Variants in GALNT18 observed in about 807,000 individuals in gnomAD.
GALNT18 encodes the protein GalNAc-transferase 18.
Under a neutral mutation model 69.5 loss-of-function variants are expected in GALNT18, and 44 were observed. The observed-to-expected ratio is 0.63, with a 90% CI of 0.50 to 0.81. GALNT18 has a LOEUF of 0.81. Ranked by LOEUF, GALNT18 falls within the 40% of genes least tolerant of loss-of-function variation. The probability of loss-of-function intolerance (pLI) is 0.00; values close to 1 mark genes in which losing one functional copy is unlikely to be tolerated. For synonymous variants in GALNT18, 364 were observed against 318.2 expected (o/e 1.14, Z -1.53); for missense variants, 715 against 810.0 (o/e 0.88, Z 1.42).
At chr11:11,547,034 T>C (rs1046913604) in intron 1 of GALNT18, among the ~76,000 whole-genome samples, 32 of 152,142 alleles carry the variant, frequency 2.1e-4, no homozygotes, top group African/African-American at 7.7e-4. Context: ...CTACTACTTT[T>C]AAACTGATTA....
intron 1 of GALNT18, among the ~76,000 whole-genome samples, chr11:11,455,425 G>A (rs554127079): frequency 6.6e-6 from 1 of 152,072 alleles, no homozygotes; most frequent in Non-Finnish European, 1.5e-5. Context: ...GGGAAATGGG[G>A]CAGAGGGAAG....
intron 10 of GALNT18, among the ~76,000 whole-genome samples, chr11:11,291,370 G>T (rs918710997): frequency 6.6e-6 from 1 of 152,222 alleles, no homozygotes; most frequent in Non-Finnish European, 1.5e-5. Context: ...CCTTGGGCAT[G>T]TTCGTTAACT....
chr11:11,491,591 C>A (rs1177817813), intron 1 of GALNT18, among the ~76,000 whole-genome samples: 2 of 152,254 alleles, frequency 1.3e-5, no homozygotes, highest in Non-Finnish European at 2.9e-5. Flanking sequence ...ATTTGGTTTT[C>A]ATATGGCTAT....
chr11:11,569,567 C>T (rs529613970), intron 1 of GALNT18, among the ~76,000 whole-genome samples: 2 of 152,184 alleles, frequency 1.3e-5, no homozygotes, highest in Non-Finnish European at 2.9e-5. Flanking sequence ...CCCAAAGCCT[C>T]GTTTGAGTGG....
chr11:11,362,204 A>C (rs1353598609), intron 6 of GALNT18, among the ~76,000 whole-genome samples: 1 of 152,208 alleles, frequency 6.6e-6, no homozygotes, highest in Non-Finnish European at 1.5e-5. Context: ...CTAAAATGTA[A>C]AAAATATAGT....
Position 11,309,923 on chromosome 11 carries a change from G to A in GALNT18, c.1513-16730C>T, listed in dbSNP as rs115218736. Among the ~76,000 whole-genome samples the A allele has an allele frequency of 3.3e-5, 5 of 151,816 alleles. No homozygotes were observed. The highest frequency in any genetic ancestry group is 5.9e-5 in the Non-Finnish European group (4 of 68,012). ...CCCCAGGGATATTGCTTTGTTAATT[G>A]CCCCCTTAAATAGATCTCTCTACTT... On this transcript the variant is annotated intron_variant, in intron 9 of 10. Coordinates refer to ENST00000227756, the MANE Select transcript of GALNT18 (RefSeq NM_198516.3). This position sits in a 1 kb window ranked among gnomAD's most constrained non-coding sequence, Gnocchi z 4.6.
intron 9 of GALNT18, among the ~76,000 whole-genome samples, chr11:11,308,431 A>G (rs1240332085): frequency 6.6e-6 from 1 of 151,840 alleles, no homozygotes; most frequent in African/African-American, 2.4e-5. Context: ...TCCCCAGTTG[A>G]CCTTCCCTTC....
chr11:11,323,087 C>T (rs1326611546), intron 9 of GALNT18, among the ~76,000 whole-genome samples: 1 of 152,170 alleles, frequency 6.6e-6, no homozygotes, highest in Non-Finnish European at 1.5e-5. Context: ...CAAGGAGGGG[C>T]ACAATGCAGT....
Position 11,383,122 on chromosome 11 carries a change from C to G in GALNT18, c.596-3858G>C, listed in dbSNP as rs972822636. On this transcript the variant is annotated intron_variant, in intron 3 of 10. Coordinates refer to ENST00000227756, the MANE Select transcript of GALNT18 (RefSeq NM_198516.3). The surrounding 1 kb of genome is among the most constrained non-coding windows in gnomAD (Gnocchi z 5.2). ...AGCAGTGATGAAACACCACTCACTC[C>G]TGGGAGGTCACAGGCCACTCTCCAC... Among the ~76,000 whole-genome samples the G allele has an allele frequency of 6.6e-6, 1 of 152,184 alleles. No individual in the cohort carries two copies. The highest frequency in any genetic ancestry group is 1.9e-4 in the East Asian group (1 of 5,172).
chr11:11,599,361 C>T (rs1490918810), intron 1 of GALNT18, among the ~76,000 whole-genome samples: 1 of 151,792 alleles, frequency 6.6e-6, no homozygotes, highest in African/African-American at 2.4e-5. Flanking sequence ...CTCTTTATCT[C>T]TAGTAACTTT....
intron 10 of GALNT18, among the ~76,000 whole-genome samples, chr11:11,287,443 TTGCTTGACAAGTATCCTGCCA>T: frequency 4.6e-5 from 7 of 152,142 alleles, no homozygotes; most frequent in African/African-American, 1.7e-4. Flanking sequence ...GTCCTCTGCT[TTGCTTGACAAGTATCCTGCCA>T]CAAAGTTCTT....
intron 10 of GALNT18, among the ~76,000 whole-genome samples, chr11:11,276,103 A>G (rs139532216): frequency 0.03 from 4,641 of 152,258 alleles, 237 homozygotes; most frequent in African/African-American, 0.11. Context: ...ATAGCACTGA[A>G]TCTACAAATT....
In GALNT18 at chr11:11,383,831, C is replaced by CTT. The variant is rs1360572964; in HGVS notation, c.596-4568_596-4567insAA. Among the ~76,000 whole-genome samples the CTT allele has an allele frequency of 6.6e-6, 1 of 151,608 alleles. No individual in the cohort carries two copies. Among genetic ancestry groups the CTT allele is most frequent in the Non-Finnish European group, 1.5e-5 (1 of 67,870 alleles). ...TGTGGCACTTCCTCTCTCTCTCTCT[C>CTT]TCTCTCTCTGTCTCTCTCTCCCTCT... On this transcript the variant is annotated intron_variant, in intron 3 of 10. Transcript: ENST00000227756. The surrounding 1 kb of genome is among the most constrained non-coding windows in gnomAD (Gnocchi z 5.2).
intron 1 of GALNT18, among the ~76,000 whole-genome samples, chr11:11,588,057 C>T (rs764775941): frequency 1.3e-5 from 2 of 152,066 alleles, no homozygotes; most frequent in Non-Finnish European, 1.5e-5. Context: ...GAAATCTACC[C>T]CATCTTTCAG....
In GALNT18 at chr11:11,435,076, C is replaced by G. The variant is rs191197242; in HGVS notation, c.429-2289G>C. ...TATATAAAGTATAATAGACAGCTCC[C>G]AAGAAGGCCAATGGATTGGCACAAG... is the stretch of plus-strand genomic sequence containing the variant. On this transcript the variant is annotated intron_variant, in intron 2 of 10. Transcript: ENST00000227756. The surrounding 1 kb of genome is among the most constrained non-coding windows in gnomAD (Gnocchi z 4.4). Among the ~76,000 whole-genome samples the G allele has an allele frequency of 3.0e-4, 46 of 152,274 alleles. No homozygotes were observed. The highest frequency in any genetic ancestry group is 9.8e-4 in the Admixed American group (15 of 15,302).
rs538875152 is a variant in GALNT18, at chr11:11,566,090, A to G, written c.235+55269T>C. Among the ~76,000 whole-genome samples the G allele has an allele frequency of 1.4e-4, 22 of 152,358 alleles. No homozygotes were observed. In the South Asian group the frequency reaches 4.6e-3, roughly 32 times the overall value. On this transcript the variant is annotated intron_variant, in intron 1 of 10. Transcript: ENST00000227756. The stretch of plus-strand genomic sequence containing the variant: ...TGTAAAGAATGTTCATAAGTTAGGG[A>G]TCACATATATTTTTTTAAATTAAAA...
At chr11:11,565,278 G>A (rs939224865) in intron 1 of GALNT18, among the ~76,000 whole-genome samples, 24 of 152,154 alleles carry the variant, frequency 1.6e-4, no homozygotes, top group Non-Finnish European at 3.2e-4. Context: ...GCCACATAGG[G>A]GTGGCTGGGA....
intron 1 of GALNT18, among the ~76,000 whole-genome samples, chr11:11,549,267 C>T (rs1212173252): frequency 1.3e-5 from 2 of 152,228 alleles, no homozygotes; most frequent in East Asian, 1.9e-4. Flanking sequence ...AGAGCTAGAC[C>T]AGTCCCAGAC....
chr11:11,366,811 C>T (rs1210245592), intron 6 of GALNT18, among the ~76,000 whole-genome samples: 2 of 152,078 alleles, frequency 1.3e-5, no homozygotes, highest in East Asian at 3.9e-4. Flanking sequence ...ATCCCTCATG[C>T]TCTGTAGAAT....
Sources: gnomAD v4.1 joint callset for allele counts (sites outside exome capture counted in the v4.1 genomes callset) on GRCh38, gnomAD v4.1.1 for gene constraint, Gnocchi (gnomAD v3.1) non-coding constraint, MANE v1.5 for transcripts, NCBI Gene and HGNC (gene_info 2026-07-23, HGNC 2026-07-21) for gene names.